GPLD1: variants seen among roughly 807,000 people sequenced by gnomAD.
GPLD1 encodes the protein glycosylphosphatidylinositol specific phospholipase D1.
In GPLD1, 84 loss-of-function variants were observed where a neutral mutation model predicts 112.6. The ratio of observed to expected loss-of-function variants is 0.75; its 90% CI spans 0.63 to 0.89. The LOEUF is 0.89. Among genes scored for constraint, GPLD1 ranks in the 40% least tolerant of loss-of-function variants. The probability of loss-of-function intolerance (pLI) is 0.00; values close to 1 mark genes in which losing one functional copy is unlikely to be tolerated. For missense variants in GPLD1, 1,044 were observed against 1,051.5 expected (o/e 0.99, Z 0.10); for synonymous variants, 386 against 403.8 (o/e 0.96, Z 0.53).
At chr6:24,463,112 G>C (rs147954385) in intron 10 of GPLD1, among the ~76,000 whole-genome samples, 1 of 152,172 alleles carries the variant, frequency 6.6e-6, no homozygotes, top group African/African-American at 2.4e-5. Flanking sequence ...TATCAACACT[G>C]GTTACCAATT....
chr6:24,494,867 T>C, intron 1 of GPLD1: 1 of 1,082,464 alleles, frequency 9.2e-7, no homozygotes, highest in Non-Finnish European at 1.2e-6. Flanking sequence ...CTCTGCAACC[T>C]TCCGCCAGCT....
chr6:24,442,573 T>A (rs763758719), intron 20 of GPLD1, among the ~76,000 whole-genome samples: 3 of 151,722 alleles, frequency 2.0e-5, no homozygotes, highest in Admixed American at 2.0e-4. Context: ...GCCTCCTAAG[T>A]AGCTGGGACT....
chr6:24,458,493 T>C (rs980622031), intron 12 of GPLD1, among the ~76,000 whole-genome samples: 1 of 139,916 alleles, frequency 7.1e-6, no homozygotes, highest in Non-Finnish European at 1.5e-5. Context: ...CAAAATGACA[T>C]GTGCTTTGAT....
rs551622074 is a variant in GPLD1, at chr6:24,457,678, C to G, written c.1009-1041G>C. Reference sequence around the variant, plus strand: ...TGGGAGGATCACAAGGTCAGGAGTTCGAGACCAGCCTGGCCAATATAGTAA... The same window carrying G: ...TGGGAGGATCACAAGGTCAGGAGTTGGAGACCAGCCTGGCCAATATAGTAA... On this transcript the variant is annotated intron_variant, in intron 12 of 24. Transcript: ENST00000230036. 2.6e-5 allele frequency among the ~76,000 whole-genome samples: 4 copies of G among 151,776 alleles called. No individual in the cohort carries two copies. In the East Asian group the frequency reaches 7.8e-4, roughly 30 times the overall value.
chr6:24,466,010 G>A (rs1763601165), intron 10 of GPLD1, among the ~76,000 whole-genome samples: 1 of 152,156 alleles, frequency 6.6e-6, no homozygotes, highest in East Asian at 1.9e-4. Context: ...GGGACCTGTG[G>A]AGACCTGGCA....
At position 24,447,029 on chromosome 6, in the gene GPLD1, A is replaced by C. The variant is rs780556500; in HGVS notation, c.1679-50T>G. The stretch of plus-strand genomic sequence containing the variant: ...TACTAATACTTTAAGTGAGAGGACT[A>C]CTGGGATGAAAAGAAAGGGTCCTTC... On this transcript the variant is annotated intron_variant, in intron 17 of 24. Coordinates refer to ENST00000230036, the MANE Select transcript of GPLD1 (RefSeq NM_001503.4). The C allele has an allele frequency of 1.5e-5, 23 of 1,534,104 alleles. No individual in the cohort carries two copies. The East Asian group carries it at 4.5e-4, about 30-fold the overall frequency.
At chr6:24,487,843 T>C (rs929237519) in intron 1 of GPLD1, among the ~76,000 whole-genome samples, 3 of 152,200 alleles carry the variant, frequency 2.0e-5, no homozygotes, top group Non-Finnish European at 4.4e-5. Flanking sequence ...TGTCAGGACA[T>C]GTAATTCTAG....
intron 7 of GPLD1, among the ~76,000 whole-genome samples, chr6:24,469,285 C>T (rs974229523): frequency 2.1e-5 from 3 of 141,990 alleles, no homozygotes; most frequent in Non-Finnish European, 3.0e-5. Flanking sequence ...TGGGTATATA[C>T]CCAAATGACT....
intron 5 of GPLD1, among the ~76,000 whole-genome samples, chr6:24,474,371 T>G (rs189435554): frequency 6.6e-6 from 1 of 152,162 alleles, no homozygotes; most frequent in Non-Finnish European, 1.5e-5. Context: ...GGCTAAGTCA[T>G]CAGGTAAGAT....
intron 12 of GPLD1, among the ~76,000 whole-genome samples, chr6:24,459,805 C>G (rs1338955666): frequency 6.6e-6 from 1 of 152,170 alleles, no homozygotes; most frequent in East Asian, 1.9e-4. Context: ...GGGACTAAGT[C>G]CAAAGAAGGA....
chr6:24,486,350 G>A (rs576260893), intron 1 of GPLD1, among the ~76,000 whole-genome samples: 8 of 152,286 alleles, frequency 5.3e-5, no homozygotes, highest in South Asian at 2.1e-4. Context: ...GTGATTTAAA[G>A]TTTCTGCTTA....
rs181246130 is a variant in GPLD1 at position 24,433,419 on chromosome 6, T to C, written c.2359-30A>G. 469 of 1,503,020 alleles carry C rather than the reference T, an allele frequency of 3.1e-4. 2 individuals are homozygous for C. In the East Asian group the frequency reaches 9.7e-3, roughly 31 times the overall value. 93.1% of individuals were successfully genotyped at this position (1,503,020 alleles called of 1,614,324 possible). On this transcript the variant is annotated intron_variant, in intron 22 of 24. Transcript: ENST00000230036. ...AGAAAAAAATTGAGGAGAGAGACAA[T>C]GTTATTACTGTTTGTGTGGCTTTTT...
intron 20 of GPLD1, 78 bp from the exon 21 acceptor site, chr6:24,437,367 G>C (rs1306745697): frequency 1.4e-5 from 19 of 1,323,576 alleles, no homozygotes; most frequent in Non-Finnish European, 1.9e-5. Context: ...CCATCCTCAA[G>C]TGACACTGAT....
intron 13 of GPLD1, among the ~76,000 whole-genome samples, chr6:24,455,917 G>A (rs1763249616): frequency 6.6e-6 from 1 of 152,168 alleles, no homozygotes; most frequent in African/African-American, 2.4e-5. Flanking sequence ...GCTCATGCTT[G>A]TAATCCCAGC....
At chr6:24,437,078 T>C in intron 21 of GPLD1, 35 bp downstream of exon 21, 1 of 1,595,684 alleles carries the variant, frequency 6.3e-7, no homozygotes, top group Non-Finnish European at 8.6e-7. Flanking sequence ...GCAAAGGGAC[T>C]CAATTCTTGT....
At chr6:24,461,385 C>T (rs1018067470) in intron 11 of GPLD1, among the ~76,000 whole-genome samples, 2 of 152,140 alleles carry the variant, frequency 1.3e-5, no homozygotes, top group Admixed American at 1.3e-4. Context: ...ACAATGACGA[C>T]TTCACTGAAC....
At chr6:24,466,649 G>A in intron 10 of GPLD1, 31 bp downstream of exon 10, 1 of 1,583,692 alleles carries the variant, frequency 6.3e-7, no homozygotes, top group South Asian at 1.1e-5. Context: ...GGCAGAGAGT[G>A]ATTGGTAATA....
rs1054582620 is a variant in GPLD1, at chr6:24,472,392, A to T, written c.545+190T>A. Among the ~76,000 whole-genome samples the T allele has an allele frequency of 6.6e-5, 10 of 152,270 alleles. No homozygotes were observed. In the East Asian group the frequency reaches 1.9e-3, roughly 29 times the overall value. ...AAGTAAACTATGACTCAGCAACTCC[A>T]CTCCATTCAAAATTGAGTGGAATTC... On this transcript the variant is annotated intron_variant, in intron 7 of 24. Coordinates refer to ENST00000230036, the MANE Select transcript of GPLD1 (RefSeq NM_001503.4).
At chr6:24,468,910 C>T (rs1404325941) in intron 7 of GPLD1, among the ~76,000 whole-genome samples, 3 of 152,348 alleles carry the variant, frequency 2.0e-5, no homozygotes, top group African/African-American at 7.2e-5. Context: ...GAGGCTGTAT[C>T]ATGGGTGTGT....
Sources: allele counts gnomAD v4.1 joint callset (sites outside exome capture counted in the v4.1 genomes callset), GRCh38; gene constraint gnomAD v4.1.1; transcripts MANE v1.5; gene names NCBI Gene and HGNC (gene_info 2026-07-23, HGNC 2026-07-21).